CNKSR2: variants seen among roughly 807,000 people sequenced by gnomAD.
The protein encoded by CNKSR2 is connector enhancer of kinase suppressor of Ras 2.
Under a neutral mutation model 84.4 loss-of-function variants are expected in CNKSR2, and 14 were observed. The observed-to-expected ratio is 0.17, with a 90% CI of 0.11 to 0.26. The LOEUF (loss-of-function observed/expected upper bound fraction) is 0.26. Among genes scored for constraint, CNKSR2 ranks in the 10% least tolerant of loss-of-function variants. The probability of loss-of-function intolerance (pLI) is 1.00; values close to 1 mark genes in which losing one functional copy is unlikely to be tolerated. For synonymous variants in CNKSR2, 275 were observed against 277.9 expected, an observed-to-expected ratio of 0.99 and a Z score of 0.10; for missense variants, 485 against 771.2, an observed-to-expected ratio of 0.63 and a Z score of 4.40.
intron 1 of CNKSR2, among the ~76,000 whole-genome samples, chrX:21,418,222 T>G (rs1176123292): frequency 8.9e-6 from 1 of 112,075 alleles, no homozygotes; most frequent in Non-Finnish European, 1.9e-5. Flanking sequence ...TTGTTTCTAT[T>G]TAGATCTTAT....
intron 13 of CNKSR2, among the ~76,000 whole-genome samples, chrX:21,571,829 G>T (rs2092285900): frequency 8.9e-6 from 1 of 112,148 alleles, no homozygotes; most frequent in Non-Finnish European, 1.9e-5. Flanking sequence ...TCTAACGGCT[G>T]CCTGACTTAG....
chrX:21,500,739 A>G (rs2091550922), intron 7 of CNKSR2, among the ~76,000 whole-genome samples: 1 of 111,190 alleles, frequency 9.0e-6, no homozygotes, highest in Non-Finnish European at 1.9e-5. Flanking sequence ...TTTGTTTTTC[A>G]TCCCTTTTGG....
intron 4 of CNKSR2, among the ~76,000 whole-genome samples, chrX:21,460,421 A>C (rs889739711): frequency 8.1e-5 from 9 of 111,269 alleles, no homozygotes; most frequent in Non-Finnish European, 1.5e-4. Context: ...TTTTTTGTGG[A>C]TACGTAGTAA....
intron 11 of CNKSR2, among the ~76,000 whole-genome samples, chrX:21,541,517 A>G (rs1322128996): frequency 1.8e-5 from 2 of 111,594 alleles, no homozygotes. Context: ...TTTAAGCAAA[A>G]TGATGCACAG....
chrX:21,551,397 A>T (rs2092090602), intron 11 of CNKSR2, among the ~76,000 whole-genome samples: 1 of 112,553 alleles, frequency 8.9e-6, no homozygotes, highest in Non-Finnish European at 1.9e-5. Context: ...ACTTTTAATA[A>T]AGTTCGGTGG....
Position 21,432,746 on chromosome X carries a change from A to G in CNKSR2, c.363A>G (p.Pro121=), listed in dbSNP as rs554125982. The part of the protein sequence containing the change: ...HYDGRTSRKL[P]NDFLTSVVDL... The stretch of plus-strand genomic sequence containing the variant: ...ATGGGAGGACCAGCCGAAAATTGCC[A>G]AACGACTTTCTGACCTCAGTTGTGG... Residue 121 remains proline (P), a synonymous_variant, in exon 3 of 22, where the codon CCA becomes CCG. Transcript: ENST00000379510. 1.4e-5 allele frequency: 17 copies of G among 1,209,271 alleles called. No individual in the cohort carries two copies. Among genetic ancestry groups the G allele is most frequent in the Middle Eastern group, 2.3e-4 (1 of 4,344 alleles).
chrX:21,572,596 C>G (rs1305278837), intron 13 of CNKSR2, among the ~76,000 whole-genome samples: 1 of 111,345 alleles, frequency 9.0e-6, no homozygotes, highest in Non-Finnish European at 1.9e-5. Flanking sequence ...CAAACACATC[C>G]TTCTTCACAT....
intron 21 of CNKSR2, among the ~76,000 whole-genome samples, chrX:21,651,690 T>C (rs1048283154): frequency 1.8e-4 from 20 of 111,662 alleles, no homozygotes; most frequent in Admixed American, 1.3e-3. Flanking sequence ...TTTAACTTGG[T>C]GAGTTATACC....
intron 4 of CNKSR2, among the ~76,000 whole-genome samples, chrX:21,442,407 G>A (rs984801234): frequency 9.0e-6 from 1 of 111,718 alleles, no homozygotes; most frequent in African/African-American, 3.3e-5. Context: ...TTGCCATGAT[G>A]CCTTCCTTAA....
intron 13 of CNKSR2, among the ~76,000 whole-genome samples, chrX:21,570,137 G>T (rs1294774967): frequency 1.8e-5 from 2 of 112,149 alleles, no homozygotes. Context: ...TTGAAGCTAG[G>T]CATTGACTTC....
At chrX:21,439,544 C>T (rs187413081) in intron 3 of CNKSR2, among the ~76,000 whole-genome samples, 2 of 110,161 alleles carry the variant, frequency 1.8e-5, no homozygotes, top group East Asian at 2.8e-4. Context: ...AAAATAAGTA[C>T]GGAGCAATAA....
intron 17 of CNKSR2, among the ~76,000 whole-genome samples, chrX:21,600,341 G>A (rs905415074): frequency 8.0e-5 from 9 of 112,068 alleles, no homozygotes; most frequent in Admixed American, 4.7e-4. Flanking sequence ...AATATATCTA[G>A]ATTAGATTAT....
intron 1 of CNKSR2, among the ~76,000 whole-genome samples, chrX:21,387,767 T>A (rs1218928968): frequency 9.0e-6 from 1 of 111,286 alleles, no homozygotes; most frequent in Non-Finnish European, 1.9e-5. Flanking sequence ...ACCTACCTAG[T>A]CACATAATTT....
At chrX:21,434,897 G>A (rs1242861574) in intron 3 of CNKSR2, among the ~76,000 whole-genome samples, 1 of 107,163 alleles carries the variant, frequency 9.3e-6, no homozygotes, top group Non-Finnish European at 1.9e-5. Flanking sequence ...TCACAGAGCA[G>A]ATATTGTTAT....
At chrX:21,613,974 GC>G (rs1300752569) in intron 20 of CNKSR2, among the ~76,000 whole-genome samples, 2 of 108,569 alleles carry the variant, frequency 1.8e-5, no homozygotes, top group East Asian at 5.7e-4. Flanking sequence ...AAAAAAATTA[GC>G]CGGTCTTATA....
chrX:21,434,198 C>T (rs1156956380), intron 3 of CNKSR2, among the ~76,000 whole-genome samples: 3 of 111,318 alleles, frequency 2.7e-5, no homozygotes, highest in Admixed American at 1.9e-4. Context: ...TTGATATCTG[C>T]ATTTAGTAAA....
intron 20 of CNKSR2, among the ~76,000 whole-genome samples, chrX:21,647,391 T>C (rs1418422762): frequency 8.9e-6 from 1 of 112,087 alleles, no homozygotes. Context: ...ACATTTTGGG[T>C]TTTTTGATAG....
At chrX:21,465,849 A>C (rs1047225566) in intron 4 of CNKSR2, among the ~76,000 whole-genome samples, 2 of 111,585 alleles carry the variant, frequency 1.8e-5, no homozygotes, top group African/African-American at 6.5e-5. Flanking sequence ...CAGTGGTAAT[A>C]TGTAGGAGTA....
intron 1 of CNKSR2, among the ~76,000 whole-genome samples, chrX:21,416,065 A>G (rs1310704976): frequency 2.7e-5 from 3 of 111,108 alleles, no homozygotes; most frequent in Non-Finnish European, 5.7e-5. Context: ...TCATTATGAT[A>G]CTAGCTGTGG....
Sources: gnomAD v4.1 joint callset for allele counts (sites outside exome capture counted in the v4.1 genomes callset) on GRCh38, gnomAD v4.1.1 for gene constraint, MANE v1.5 for transcripts, NCBI Gene and HGNC (gene_info 2026-07-23, HGNC 2026-07-21) for gene names.